The following SULF1 variants were observed in gnomAD, a reference collection of about 807,000 sequenced individuals.
SULF1 encodes extracellular sulfatase Sulf-1.
A neutral mutation model predicts 110.5 loss-of-function variants in SULF1; 46 were observed. That is an observed-to-expected ratio of 0.42 (90% CI 0.33 to 0.53). The LOEUF is 0.53. SULF1 is among the 20% of genes least tolerant of loss of function. SULF1 has a pLI of 0.12. For missense variants in SULF1, 941 were observed against 1,094.2 expected (o/e 0.86, Z 1.98); for synonymous variants, 371 against 387.1 (o/e 0.96, Z 0.49).
In SULF1 at chr8:69,659,295, CG is replaced by C; in HGVS notation, c.*761del. The C allele has an allele frequency of 2.3e-6, 1 of 429,586 alleles. No individual in the cohort carries two copies. Among genetic ancestry groups the C allele is most frequent in the South Asian group, 1.7e-5 (1 of 59,014 alleles). 26.6% of individuals were successfully genotyped at this position (429,586 alleles called of 1,614,324 possible). On this transcript the variant is annotated 3_prime_UTR_variant, in exon 23 of 23. Coordinates refer to ENST00000402687, the MANE Select transcript of SULF1 (RefSeq NM_001128205.2). ...AGAAGTCACAGCACCTAGAAGGCAG[CG>C]CCTCCTCTTCACTCTCCTCTGATTA...
chr8:69,562,166 C>T (rs1229581860), intron 3 of SULF1, among the ~76,000 whole-genome samples: 2 of 152,178 alleles, frequency 1.3e-5, no homozygotes. Flanking sequence ...TAATTACAGG[C>T]TGCAGAGTGA....
At chr8:69,539,837 A>C (rs2150666278) in intron 3 of SULF1, among the ~76,000 whole-genome samples, 1 of 152,334 alleles carries the variant, frequency 6.6e-6, no homozygotes, top group East Asian at 1.9e-4. Context: ...TTGGTTGGGC[A>C]GACAGCTGCA....
At chr8:69,597,629 G>GC (rs1807447068) in intron 8 of SULF1, 1 of 152,282 alleles carries the variant, frequency 6.6e-6, no homozygotes, top group East Asian at 1.9e-4. Context: ...GTGGAGCTAT[G>GC]CCAAGCACAT....
At chr8:69,658,359 C>G (rs1812878074) in intron 22 of SULF1, 146 bp from the exon 23 acceptor site, 4 of 616,376 alleles carry the variant, frequency 6.5e-6, no homozygotes, top group Non-Finnish European at 1.2e-5. Context: ...TAAGGCCACT[C>G]TGTGATAACA....
chr8:69,486,575 A>C (rs561464421), intron 1 of SULF1, among the ~76,000 whole-genome samples: 1 of 152,204 alleles, frequency 6.6e-6, no homozygotes, highest in East Asian at 1.9e-4. Flanking sequence ...AGCTAAAAGA[A>C]GGTTTGCTGT....
intron 5 of SULF1, among the ~76,000 whole-genome samples, chr8:69,567,629 C>G (rs1285307428): frequency 3.9e-5 from 6 of 152,170 alleles, no homozygotes; most frequent in Admixed American, 3.9e-4. Flanking sequence ...ACCCTCATGT[C>G]CTCAAGGCTC....
chr8:69,570,416 C>T (rs977790031), intron 5 of SULF1, among the ~76,000 whole-genome samples: 4 of 152,094 alleles, frequency 2.6e-5, no homozygotes, highest in Admixed American at 1.3e-4. Context: ...ATATATGTAT[C>T]GGGAAAGGTA....
At chr8:69,490,097 C>A (rs1047761806), upstream of SULF1, among the ~76,000 whole-genome samples, 4 of 136,212 alleles carry the variant, frequency 2.9e-5, no homozygotes, top group African/African-American at 8.2e-5. Flanking sequence ...AAGTTCCATA[C>A]TTTTCTTTTT....
At position 69,621,154 on chromosome 8, in the gene SULF1, C is replaced by T. The variant is rs761314658; in HGVS notation, c.1497C>T (p.Asp499=). The T allele has an allele frequency of 2.5e-6, 4 of 1,614,018 alleles. No individual in the cohort carries two copies. Among genetic ancestry groups the T allele is most frequent in the Admixed American group, 1.7e-5 (1 of 60,004 alleles). The change falls in exon 14 of 23, where the codon GAC becomes GAT. Residue 499 remains aspartate (D), a synonymous_variant. Transcript: ENST00000402687. ...TRNLYARGFH[D]KDKECSCRES... is the part of the protein sequence containing the mutation. The stretch of plus-strand genomic sequence containing the variant: ...ACCTCTACGCTCGCGGCTTCCATGA[C>T]AAAGACAAAGAGTGCAGTTGTAGGG...
chr8:69,636,739 G>A (rs1188857622), intron 19 of SULF1, among the ~76,000 whole-genome samples: 4 of 152,202 alleles, frequency 2.6e-5, no homozygotes. Context: ...TGAAGCGTTG[G>A]TTGTGTGACA....
chr8:69,579,607 G>T (rs2150751851), intron 6 of SULF1, among the ~76,000 whole-genome samples: 1 of 150,732 alleles, frequency 6.6e-6, no homozygotes, highest in Non-Finnish European at 1.5e-5. Flanking sequence ...CAGTGATAGA[G>T]ATCTCTATAA....
intron 19 of SULF1, among the ~76,000 whole-genome samples, chr8:69,636,272 C>A (rs1434455096): frequency 6.6e-6 from 1 of 152,186 alleles, no homozygotes; most frequent in African/African-American, 2.4e-5. Context: ...CGCGGTGGCT[C>A]ACACCTGTAA....
In SULF1 at chr8:69,600,730, T is replaced by G; in HGVS notation, c.862T>G (p.Ser288Ala). 7 of 1,613,962 alleles carry G rather than the reference T, an allele frequency of 4.3e-6. No individual in the cohort carries two copies. The highest frequency in any genetic ancestry group is 5.9e-6 in the Non-Finnish European group (7 of 1,179,886). ...LQRKRLQTLMSVDDSVERLYN... is the reference protein window; with the variant it reads ...LQRKRLQTLMAVDDSVERLYN... The stretch of plus-strand genomic sequence containing the variant: ...GCGCAAAAGGCTCCAGACTTTGATG[T>G]CAGTGGATGATTCTGTGGAGAGGGT... Residue 288 changes from serine to alanine, a missense_variant, in exon 9 of 23, where the codon TCA (serine) becomes GCA (alanine). This residue lies in a region of SULF1 where 822 missense variants were observed against 934.3 expected (regional missense o/e 0.88). Coordinates refer to ENST00000402687, the MANE Select transcript of SULF1 (RefSeq NM_001128205.2).
At chr8:69,487,626 C>T (rs542195026) in intron 1 of SULF1, among the ~76,000 whole-genome samples, 1 of 152,178 alleles carries the variant, frequency 6.6e-6, no homozygotes, top group Non-Finnish European at 1.5e-5. Context: ...TTAAATGAAC[C>T]CTTGTTCAAC....
At position 69,579,614 on chromosome 8, in the gene SULF1, A is replaced by G. The variant is rs1368802593; in HGVS notation, c.412+3405A>G. On this transcript the variant is annotated intron_variant, in intron 6 of 22. Transcript: ENST00000402687. ...TGAAATGGCAGTGATAGAGATCTCT[A>G]TAATTTAATTTATCCTTGATGGGAA... Among the ~76,000 whole-genome samples the G allele has an allele frequency of 4.6e-5, 7 of 152,018 alleles. No individual in the cohort carries two copies. In the East Asian group the frequency reaches 1.2e-3, roughly 25 times the overall value.
At chr8:69,471,400 G>GA (rs11478873) in intron 1 of SULF1, among the ~76,000 whole-genome samples, 2,205 of 139,658 alleles carry the variant, frequency 0.016, 42 homozygotes, top group African/African-American at 0.052. Context: ...GACAGGAAAC[G>GA]AAAAAAAAAA....
At chr8:69,591,424 C>A (rs1030224222) in intron 8 of SULF1, among the ~76,000 whole-genome samples, 1 of 151,710 alleles carries the variant, frequency 6.6e-6, no homozygotes, top group African/African-American at 2.4e-5. Context: ...ATTAGCCAGG[C>A]GTGGTGGTGG....
upstream of SULF1, among the ~76,000 whole-genome samples, chr8:69,490,221 G>T (rs1309961348): frequency 6.7e-6 from 1 of 150,322 alleles, no homozygotes; most frequent in African/African-American, 2.5e-5. Context: ...TCCCACTTCA[G>T]CCTCCCAAGT....
intron 13 of SULF1, among the ~76,000 whole-genome samples, chr8:69,616,707 T>A (rs1333094456): frequency 6.7e-6 from 1 of 149,676 alleles, no homozygotes; most frequent in South Asian, 2.1e-4. Context: ...CGGCCGTTTT[T>A]TTTTTTTTTT....
Sources: gnomAD v4.1 joint callset for allele counts (sites outside exome capture counted in the v4.1 genomes callset) on GRCh38, gnomAD v4.1.1 for gene constraint, gnomAD v4.1.1 regional missense constraint, MANE v1.5 for transcripts, NCBI Gene and HGNC (gene_info 2026-07-23, HGNC 2026-07-21) for gene names.